RBFOX1: variants seen among roughly 807,000 people sequenced by gnomAD.
RBFOX1 encodes RNA binding fox-1 homolog 1, also known as RNA binding protein fox-1 homolog 1.
In RBFOX1, 8 loss-of-function variants were observed where a neutral mutation model predicts 57.7. That is an observed-to-expected ratio of 0.14 (90% CI 0.08 to 0.25). The LOEUF (loss-of-function observed/expected upper bound fraction) is 0.25, where lower values mean the gene tolerates loss of function less well. Among genes scored for constraint, RBFOX1 ranks in the 10% least tolerant of loss-of-function variants. The pLI is 1.00. For synonymous variants in RBFOX1, 326 were observed against 222.4 expected (o/e 1.47, Z -4.15); for missense variants, 611 against 548.5 (o/e 1.11, Z -1.14).
intron 2 of RBFOX1, among the ~76,000 whole-genome samples, chr16:6,507,873 G>T (rs991081096): frequency 3.3e-5 from 5 of 152,072 alleles, no homozygotes; most frequent in African/African-American, 1.2e-4. Flanking sequence ...TTTCAGATTT[G>T]CAAGATAAAG....
intron 2 of RBFOX1, among the ~76,000 whole-genome samples, chr16:6,373,925 C>T (rs939630108): frequency 2.0e-5 from 3 of 152,154 alleles, no homozygotes; most frequent in Non-Finnish European, 4.4e-5. Flanking sequence ...CATTCAGTAT[C>T]TATTGACTGT....
chr16:6,847,357 G>A (rs2093810896), intron 3 of RBFOX1, among the ~76,000 whole-genome samples: 1 of 152,074 alleles, frequency 6.6e-6, no homozygotes, highest in Non-Finnish European at 1.5e-5. Flanking sequence ...AACTGCAAGG[G>A]GGTCTTCAAT....
intron 1 of RBFOX1, among the ~76,000 whole-genome samples, chr16:6,089,797 C>T (rs577761149): frequency 2.6e-5 from 4 of 152,292 alleles, no homozygotes; most frequent in African/African-American, 9.6e-5. Flanking sequence ...ACAATGACCA[C>T]TGAGTAGTTC....
intron 4 of RBFOX1, among the ~76,000 whole-genome samples, chr16:7,497,276 A>G (rs993565829): frequency 1.3e-5 from 2 of 151,976 alleles, no homozygotes; most frequent in Non-Finnish European, 2.9e-5. Context: ...CAGCCATATT[A>G]TCCTGTTTTC....
chr16:7,563,809 A>G, intron 5 of RBFOX1, among the ~76,000 whole-genome samples: 1 of 139,698 alleles, frequency 7.2e-6, no homozygotes, highest in East Asian at 2.6e-4. Context: ...CAAAAGCCAA[A>G]TCTTTGCAAC....
chr16:6,358,035 GAA>G (rs1336548657), intron 2 of RBFOX1, among the ~76,000 whole-genome samples: 1 of 151,932 alleles, frequency 6.6e-6, no homozygotes, highest in Non-Finnish European at 1.5e-5. Context: ...AAAGCAACCT[GAA>G]GTTTCGGCTT....
chr16:6,525,682 C>T (rs1269321459), intron 2 of RBFOX1, among the ~76,000 whole-genome samples: 1 of 152,072 alleles, frequency 6.6e-6, no homozygotes, highest in Non-Finnish European at 1.5e-5. Flanking sequence ...TGTCTTGTTG[C>T]TGTGTTCACT....
chr16:7,234,628 G>A (rs1483444305), intron 4 of RBFOX1, among the ~76,000 whole-genome samples: 1 of 149,754 alleles, frequency 6.7e-6, no homozygotes, highest in Non-Finnish European at 1.5e-5. Context: ...GTTTGTATGT[G>A]CTTGTGTATA....
chr16:5,436,653 C>T (rs929773732), intron 1 of RBFOX1, among the ~76,000 whole-genome samples: 2 of 152,116 alleles, frequency 1.3e-5, no homozygotes, highest in South Asian at 2.1e-4. Context: ...GTCTGGCCAA[C>T]ATGGTGAAAC....
chr16:5,770,077 G>C (rs1022081026), intron 3 of RBFOX1, among the ~76,000 whole-genome samples: 4 of 152,188 alleles, frequency 2.6e-5, no homozygotes, highest in African/African-American at 9.7e-5. Context: ...GCTCTAGCCA[G>C]AGTAGTTTGG....
chr16:5,606,744 A>G (rs1349288204), intron 3 of RBFOX1, among the ~76,000 whole-genome samples: 1 of 152,186 alleles, frequency 6.6e-6, no homozygotes, highest in Non-Finnish European at 1.5e-5. Context: ...AAGGCTTCAC[A>G]GAGGAGGTGA....
At chr16:6,104,895 C>A (rs1023734784) in intron 1 of RBFOX1, among the ~76,000 whole-genome samples, 4 of 152,144 alleles carry the variant, frequency 2.6e-5, no homozygotes. Flanking sequence ...GCAAACCTAA[C>A]GTTGATTTTG....
chr16:5,393,632 A>C (rs1161397779), intron 1 of RBFOX1, among the ~76,000 whole-genome samples: 1 of 152,006 alleles, frequency 6.6e-6, no homozygotes, highest in East Asian at 1.9e-4. Context: ...TTGTTACTTC[A>C]TGTGTCATCC....
chr16:7,298,275 G>GTTTTTTTT (rs1281918637), intron 4 of RBFOX1, among the ~76,000 whole-genome samples: 2 of 117,560 alleles, frequency 1.7e-5, no homozygotes, highest in African/African-American at 6.9e-5. Flanking sequence ...TTGTGTATAG[G>GTTTTTTTT]TTTTTTTTTG....
chr16:5,361,225 C>T (rs1334709223), intron 1 of RBFOX1, among the ~76,000 whole-genome samples: 2 of 152,084 alleles, frequency 1.3e-5, no homozygotes, highest in Admixed American at 6.6e-5. Flanking sequence ...TTCTGTCTTC[C>T]ACTGCTGCCA....
At chr16:6,439,472 G>A (rs781458524) in intron 2 of RBFOX1, among the ~76,000 whole-genome samples, 3 of 152,138 alleles carry the variant, frequency 2.0e-5, no homozygotes, top group African/African-American at 7.2e-5. Flanking sequence ...TGGGATTGTC[G>A]AGGAATGTGG....
intron 6 of RBFOX1, among the ~76,000 whole-genome samples, chr16:7,583,702 G>T (rs1052411727): frequency 6.6e-6 from 1 of 152,088 alleles, no homozygotes; most frequent in African/African-American, 2.4e-5. Flanking sequence ...TCTTGGCCAG[G>T]CATGATGGTG....
At chr16:7,092,181 A>T (rs1599244544) in intron 4 of RBFOX1, among the ~76,000 whole-genome samples, 1 of 152,218 alleles carries the variant, frequency 6.6e-6, no homozygotes, top group South Asian at 2.1e-4. Flanking sequence ...ATTGATTACA[A>T]AGTTACAAGG....
chr16:7,076,102 C>A (rs780778245), intron 4 of RBFOX1, among the ~76,000 whole-genome samples: 1 of 148,616 alleles, frequency 6.7e-6, no homozygotes, highest in Non-Finnish European at 1.5e-5. Context: ...ACTGCCATGG[C>A]GCGATCTCGG....
Sources: gnomAD v4.1 joint callset for allele counts (sites outside exome capture counted in the v4.1 genomes callset) on GRCh38, gnomAD v4.1.1 for gene constraint, MANE v1.5 for transcripts, NCBI Gene and HGNC (gene_info 2026-07-23, HGNC 2026-07-21) for gene names.